Variants in SEMA6A observed in about 807,000 individuals in gnomAD.
The protein encoded by SEMA6A is semaphorin 6A.
Under a neutral mutation model 96.8 loss-of-function variants are expected in SEMA6A, and 25 were observed. The ratio of observed to expected loss-of-function variants is 0.26; its 90% CI spans 0.19 to 0.36. The LOEUF is 0.36. Among genes scored for constraint, SEMA6A ranks in the 10% least tolerant of loss-of-function variants. SEMA6A has a pLI of 1.00. For synonymous variants in SEMA6A, 612 were observed against 518.0 expected (o/e 1.18, Z -2.46); for missense variants, 1,363 against 1,323.1 (o/e 1.03, Z -0.47).
intron 1 of SEMA6A, among the ~76,000 whole-genome samples, chr5:116,564,759 T>C (rs1376428313): frequency 3.3e-5 from 5 of 152,216 alleles, no homozygotes; most frequent in Admixed American, 1.3e-4. Context: ...AAAATGTTCA[T>C]ATACTATTCA....
chr5:116,544,297 G>A (rs1760095324), intron 1 of SEMA6A, among the ~76,000 whole-genome samples: 1 of 151,846 alleles, frequency 6.6e-6, no homozygotes, highest in Non-Finnish European at 1.5e-5. Flanking sequence ...TTGTTTGTTT[G>A]TTTGTTTTGG....
At chr5:116,454,037 C>G (rs191897856) in intron 18 of SEMA6A, among the ~76,000 whole-genome samples, 1 of 152,236 alleles carries the variant, frequency 6.6e-6, no homozygotes, top group African/African-American at 2.4e-5. Flanking sequence ...GCACTTTCCC[C>G]TCTCACCCCC....
At chr5:116,565,238 T>G (rs1394584743) in intron 1 of SEMA6A, among the ~76,000 whole-genome samples, 2 of 152,208 alleles carry the variant, frequency 1.3e-5, no homozygotes, top group African/African-American at 4.8e-5. Context: ...CTCTCAGAAG[T>G]TGCCTCTTTT....
chr5:116,488,264 A>C, intron 8 of SEMA6A, 68 bp from the exon 9 acceptor site: 2 of 1,015,852 alleles, frequency 2.0e-6, no homozygotes, highest in Admixed American at 2.0e-5. Flanking sequence ...AATCAAGTGT[A>C]GCCAAAGACA....
chr5:116,537,152 CAT>C (rs1293902161), intron 1 of SEMA6A, among the ~76,000 whole-genome samples: 6 of 152,168 alleles, frequency 3.9e-5, no homozygotes, highest in Admixed American at 6.5e-5. Flanking sequence ...TGCATGCACA[CAT>C]AGAGACCCAC....
intron 18 of SEMA6A, among the ~76,000 whole-genome samples, chr5:116,462,590 A>G (rs1755480969): frequency 6.6e-6 from 1 of 152,178 alleles, no homozygotes; most frequent in Non-Finnish European, 1.5e-5. Flanking sequence ...GAAACTTTCC[A>G]TCCCCAAACA....
intron 10 of SEMA6A, among the ~76,000 whole-genome samples, chr5:116,483,143 T>TA (rs1756873746): frequency 1.3e-5 from 2 of 152,234 alleles, no homozygotes; most frequent in Non-Finnish European, 2.9e-5. Context: ...CTAAACAATT[T>TA]AAGTTTCTAA....
At chr5:116,557,815 G>C (rs1469641727) in intron 1 of SEMA6A, among the ~76,000 whole-genome samples, 1 of 152,218 alleles carries the variant, frequency 6.6e-6, no homozygotes, top group East Asian at 1.9e-4. Context: ...TGTGTGTTTT[G>C]TCACCTTTCC....
At chr5:116,470,234 C>T (rs968797114) in intron 17 of SEMA6A, among the ~76,000 whole-genome samples, 1 of 152,162 alleles carries the variant, frequency 6.6e-6, no homozygotes, top group Non-Finnish European at 1.5e-5. Context: ...TATATTCCAT[C>T]TTCTAGTCTG....
chr5:116,478,379 C>T, intron 13 of SEMA6A, 163 bp downstream of exon 13: 1 of 841,566 alleles, frequency 1.2e-6, no homozygotes. Context: ...CACACATTGG[C>T]AAGGAGAAAA....
chr5:116,550,206 C>G (rs954940801), intron 1 of SEMA6A: 1 of 152,158 alleles, frequency 6.6e-6, no homozygotes, highest in Non-Finnish European at 1.5e-5. Flanking sequence ...ATGGCTACTT[C>G]TAAGCATCCT....
At chr5:116,494,427 C>A (rs1344295361) in intron 6 of SEMA6A, among the ~76,000 whole-genome samples, 1 of 152,150 alleles carries the variant, frequency 6.6e-6, no homozygotes, top group African/African-American at 2.4e-5. Flanking sequence ...CAGATGTGAT[C>A]CCTGCCCTTG....
At chr5:116,477,795 A>T in intron 15 of SEMA6A, 51 bp downstream of exon 15, 1 of 1,564,396 alleles carries the variant, frequency 6.4e-7, no homozygotes, top group Non-Finnish European at 8.8e-7. Context: ...CATCTAGAAT[A>T]CACCTTGGCT....
intron 16 of SEMA6A, among the ~76,000 whole-genome samples, chr5:116,473,573 A>G (rs1756282928): frequency 6.6e-6 from 1 of 152,222 alleles, no homozygotes; most frequent in Admixed American, 6.5e-5. Context: ...AAGTTAAAAC[A>G]AAAAACAAAC....
At chr5:116,450,341 T>C (rs1034461318) in intron 18 of SEMA6A, among the ~76,000 whole-genome samples, 5 of 152,190 alleles carry the variant, frequency 3.3e-5, no homozygotes, top group African/African-American at 1.2e-4. Context: ...ATATTCCCAA[T>C]AAATGTGTAT....
Position 116,446,701 on chromosome 5 carries a change from C to CGCT in SEMA6A, c.3002_3004dup (p.Lys1001_Arg1002insGln), listed in dbSNP as rs757363338. 3.8e-6 allele frequency: 6 copies of CGCT among 1,586,866 alleles called. No homozygotes were observed. In the South Asian group the frequency reaches 6.9e-5, roughly 18 times the overall value. ...TACGTCCGGCTTTAGCGAGGGCGTA[C>CGCT]GCTTCAGCCCCGACCTTGTCAGTGA... On this transcript the variant is annotated inframe_insertion, in exon 19 of 19. Coordinates refer to ENST00000343348, the MANE Select transcript of SEMA6A (RefSeq NM_020796.5).
At chr5:116,461,062 A>G (rs1040350176) in intron 18 of SEMA6A, among the ~76,000 whole-genome samples, 1 of 152,202 alleles carries the variant, frequency 6.6e-6, no homozygotes, top group East Asian at 1.9e-4. Flanking sequence ...TATAAATAAA[A>G]TACTGATGAA....
intron 18 of SEMA6A, among the ~76,000 whole-genome samples, chr5:116,463,752 C>G (rs1048970618): frequency 1.3e-5 from 2 of 152,166 alleles, no homozygotes; most frequent in African/African-American, 4.8e-5. Flanking sequence ...GGGAACTGCT[C>G]TATATTTACT....
At chr5:116,533,445 A>G (rs969044656) in intron 1 of SEMA6A, among the ~76,000 whole-genome samples, 9 of 152,128 alleles carry the variant, frequency 5.9e-5, no homozygotes. Context: ...TTGACTAACT[A>G]GAATACTTGG....
Sources: allele counts gnomAD v4.1 joint callset (sites outside exome capture counted in the v4.1 genomes callset), GRCh38; gene constraint gnomAD v4.1.1; transcripts MANE v1.5; gene names NCBI Gene and HGNC (gene_info 2026-07-23, HGNC 2026-07-21).